The following BCAS1 variants were observed in gnomAD, a reference collection of about 807,000 sequenced individuals.
BCAS1 encodes breast carcinoma-amplified sequence 1.
In BCAS1, 46 loss-of-function variants were observed where a neutral mutation model predicts 65.4. The ratio of observed to expected loss-of-function variants is 0.70; its 90% CI spans 0.55 to 0.90. The LOEUF (loss-of-function observed/expected upper bound fraction) is 0.90. BCAS1 is among the 40% of genes least tolerant of loss of function. BCAS1 has a pLI of 0.00. For missense variants in BCAS1, 793 were observed against 771.2 expected, an observed-to-expected ratio of 1.03 and a Z score of -0.33; for synonymous variants, 298 against 293.5, an observed-to-expected ratio of 1.02 and a Z score of -0.16.
chr20:53,965,988 C>T (rs1012323160), intron 10 of BCAS1, among the ~76,000 whole-genome samples: 4 of 152,052 alleles, frequency 2.6e-5, no homozygotes, highest in East Asian at 1.9e-4. Context: ...TAGATGTTGG[C>T]GTGGAGGTGG....
chr20:53,982,393 TA>T (rs1245535904), intron 8 of BCAS1, among the ~76,000 whole-genome samples: 1 of 152,220 alleles, frequency 6.6e-6, no homozygotes, highest in African/African-American at 2.4e-5. Context: ...TCCTTAAAGG[TA>T]TTTTTTTATT....
chr20:54,037,011 C>T (rs557535217), intron 3 of BCAS1, among the ~76,000 whole-genome samples: 2 of 151,012 alleles, frequency 1.3e-5, no homozygotes, highest in East Asian at 3.9e-4. Flanking sequence ...CACACACACA[C>T]GTTTGTATTA....
intron 6 of BCAS1, among the ~76,000 whole-genome samples, chr20:53,994,171 C>T (rs1464787456): frequency 6.6e-6 from 1 of 152,184 alleles, no homozygotes; most frequent in Non-Finnish European, 1.5e-5. Context: ...GCAAACCAAG[C>T]CATGTATCTG....
intron 3 of BCAS1, among the ~76,000 whole-genome samples, chr20:54,047,506 G>A (rs1308826115): frequency 6.6e-6 from 1 of 152,240 alleles, no homozygotes; most frequent in African/African-American, 2.4e-5. Context: ...CTGAGTTTGA[G>A]AAGGATGAGA....
In BCAS1 at chr20:53,975,406, T is replaced by G. The variant is rs2090304740; in HGVS notation, c.1300A>C (p.Thr434Pro). 2 of 1,612,524 alleles carry G rather than the reference T, an allele frequency of 1.2e-6. No individual in the cohort carries two copies. Among genetic ancestry groups the G allele is most frequent in the Non-Finnish European group, 1.7e-6 (2 of 1,179,024 alleles). The change falls in exon 9 of 13, where the codon ACA becomes CCA. Residue 434 changes from threonine to proline, a missense_variant. Thr to Pro is a conservative substitution (Grantham distance 38, BLOSUM62 -1). Transcript: ENST00000688948. ...TAACTTACATTCTCCTCCGCACCTG[T>G]GGGGACTGAGTCCTCTTTAACTGAC... ...KKSVKEDSVPTGAEENVVCES... is the reference protein window; with the variant it reads ...KKSVKEDSVPPGAEENVVCES...
intron 4 of BCAS1, among the ~76,000 whole-genome samples, chr20:54,014,298 A>G (rs1299300706): frequency 6.6e-6 from 1 of 152,242 alleles, no homozygotes; most frequent in Non-Finnish European, 1.5e-5. Flanking sequence ...TGAGAAGTTT[A>G]TATATATTTT....
chr20:53,966,680 C>G (rs956160805), intron 10 of BCAS1, among the ~76,000 whole-genome samples: 1 of 152,112 alleles, frequency 6.6e-6, no homozygotes, highest in Non-Finnish European at 1.5e-5. Flanking sequence ...AAAGTGTTAG[C>G]AGGCATTAAA....
At chr20:53,960,008 A>C (rs1483829839) in intron 10 of BCAS1, among the ~76,000 whole-genome samples, 7 of 152,236 alleles carry the variant, frequency 4.6e-5, no homozygotes, top group Non-Finnish European at 8.8e-5. Flanking sequence ...TTCAGCCTCC[A>C]AATTCGGGCT....
At chr20:54,058,462 G>A (rs1424846619) in intron 2 of BCAS1, among the ~76,000 whole-genome samples, 185 bp downstream of exon 2, 2 of 152,104 alleles carry the variant, frequency 1.3e-5, no homozygotes, top group Admixed American at 6.6e-5. Context: ...TCAAGTCAGG[G>A]CTGGAGCACG....
intron 4 of BCAS1, among the ~76,000 whole-genome samples, chr20:54,015,088 A>C (rs2091406192): frequency 6.6e-6 from 1 of 151,096 alleles, no homozygotes; most frequent in East Asian, 1.9e-4. Context: ...GCTGGAGTGC[A>C]ATGGTGCAAT....
chr20:54,050,785 C>A (rs538064224), intron 3 of BCAS1, among the ~76,000 whole-genome samples: 1 of 152,280 alleles, frequency 6.6e-6, no homozygotes, highest in African/African-American at 2.4e-5. Context: ...TGGGGTCCCC[C>A]TTGAGAACAT....
At chr20:53,951,227 C>A (rs1255281557) in intron 12 of BCAS1, among the ~76,000 whole-genome samples, 1 of 152,070 alleles carries the variant, frequency 6.6e-6, no homozygotes, top group Non-Finnish European at 1.5e-5. Context: ...AATCCCAGCA[C>A]TTTGGGAGGC....
Position 53,953,571 on chromosome 20 carries a change from C to T in BCAS1, c.1676G>A (p.Ser559Asn), listed in dbSNP as rs2089598647. ...TGGTTCTTTGGCTTCCTGCTTGTTG[C>T]TCTTCTGCTTGTTCATCTCGGCTGC... ...KSAAEMNKQK[S>N]NKQEAKEPAQ... The change falls in exon 12 of 13, where the codon AGC becomes AAC. Residue 559 changes from serine to asparagine, a missense_variant. Ser to Asn is a conservative substitution (Grantham distance 46). Transcript: ENST00000688948. The T allele has an allele frequency of 6.2e-7, 1 of 1,613,882 alleles. No individual in the cohort carries two copies.
At chr20:53,985,560 G>A (rs2090596138) in intron 7 of BCAS1, 61 bp from the exon 8 acceptor site, 1 of 1,467,446 alleles carries the variant, frequency 6.8e-7, no homozygotes, top group Admixed American at 1.7e-5. Context: ...TTTAAAAATG[G>A]AAGATCTCTT....
chr20:54,029,469 C>T (rs899383562), intron 3 of BCAS1, among the ~76,000 whole-genome samples: 1 of 152,190 alleles, frequency 6.6e-6, no homozygotes, highest in Non-Finnish European at 1.5e-5. Context: ...AGACGCCGGT[C>T]ACATTTCCCA....
intron 4 of BCAS1, among the ~76,000 whole-genome samples, chr20:54,003,257 T>C (rs6013869): frequency 0.66 from 93,223 of 142,028 alleles, 30,497 homozygotes; most frequent in South Asian, 0.72. Flanking sequence ...GCAATGAAAA[T>C]GCCATACAAT....
chr20:54,064,804 T>G (rs78698992), intron 1 of BCAS1, among the ~76,000 whole-genome samples: 2,410 of 152,340 alleles, frequency 0.016, 46 homozygotes, highest in African/African-American at 0.054. Flanking sequence ...GTGGCAATAA[T>G]AAACACATTT....
At chr20:53,968,913 G>A (rs1219625366) in intron 9 of BCAS1, among the ~76,000 whole-genome samples, 1 of 152,234 alleles carries the variant, frequency 6.6e-6, no homozygotes, top group African/African-American at 2.4e-5. Context: ...TTTAGGAAAC[G>A]AGGTGGAGAC....
At chr20:54,060,076 T>TGGCAC (rs2092357717) in intron 1 of BCAS1, among the ~76,000 whole-genome samples, 1 of 152,218 alleles carries the variant, frequency 6.6e-6, no homozygotes, top group Non-Finnish European at 1.5e-5. Flanking sequence ...CAAGGCAGCA[T>TGGCAC]GGCACAGTGG....
Sources: gnomAD v4.1 joint callset for allele counts (sites outside exome capture counted in the v4.1 genomes callset) on GRCh38, gnomAD v4.1.1 for gene constraint, MANE v1.5 for transcripts, NCBI Gene and HGNC (gene_info 2026-07-23, HGNC 2026-07-21) for gene names.